Variants in COX7B2 observed in about 807,000 individuals in gnomAD.
COX7B2 encodes cytochrome c oxidase subunit 7B2, also known as cytochrome c oxidase subunit 7B2, mitochondrial.
For synonymous variants in COX7B2, 37 were observed against 32.1 expected (o/e 1.15, Z -0.51); for missense variants, 109 against 95.9 (o/e 1.14, Z -0.57).
chr4:46,903,925 G>A, intron 1 of COX7B2: 1 of 152,154 alleles, frequency 6.6e-6, no homozygotes, highest in Non-Finnish European at 1.5e-5. Context: ...AGCGATGCAT[G>A]ACTGTAGTTC....
intron 1 of COX7B2, among the ~76,000 whole-genome samples, chr4:46,886,085 C>A (rs1719068030): frequency 6.6e-6 from 1 of 152,128 alleles, no homozygotes; most frequent in East Asian, 1.9e-4. Flanking sequence ...TAATATTAAT[C>A]TGTACTTGCC....
intron 2 of COX7B2, among the ~76,000 whole-genome samples, chr4:46,811,584 A>C (rs1306756260): frequency 6.6e-6 from 1 of 152,144 alleles, no homozygotes; most frequent in Non-Finnish European, 1.5e-5. Context: ...GTATCTCACT[A>C]AATTTCCTTA....
intron 2 of COX7B2, among the ~76,000 whole-genome samples, chr4:46,815,259 G>T (rs1377226167): frequency 1.3e-5 from 2 of 151,756 alleles, no homozygotes; most frequent in South Asian, 2.1e-4. Context: ...CTCCAACTGG[G>T]GTTTAAAGTT....
At chr4:46,763,035 ATATAT>A (rs1468013409) in intron 2 of COX7B2, among the ~76,000 whole-genome samples, 2 of 132,008 alleles carry the variant, frequency 1.5e-5, no homozygotes, top group Admixed American at 8.7e-5. Context: ...ATAATATAAT[ATATAT>A]TATATATTAT....
At chr4:46,822,989 A>C (rs534804181) in intron 2 of COX7B2, among the ~76,000 whole-genome samples, 1 of 152,330 alleles carries the variant, frequency 6.6e-6, no homozygotes, top group African/African-American at 2.4e-5. Context: ...AGAGAGAAAG[A>C]GATGCCTGCA....
At chr4:46,755,551 A>G (rs1715737691) in intron 2 of COX7B2, among the ~76,000 whole-genome samples, 1 of 152,116 alleles carries the variant, frequency 6.6e-6, no homozygotes, top group Non-Finnish European at 1.5e-5. Flanking sequence ...TCACATGATA[A>G]TATATCTAGA....
At chr4:46,776,671 C>T (rs897493036) in intron 2 of COX7B2, among the ~76,000 whole-genome samples, 10 of 152,074 alleles carry the variant, frequency 6.6e-5, no homozygotes, top group African/African-American at 1.9e-4. Flanking sequence ...TCCCTCTTGG[C>T]TTTCTGTCTC....
At chr4:46,886,250 TA>T in intron 1 of COX7B2, among the ~76,000 whole-genome samples, 1 of 152,272 alleles carries the variant, frequency 6.6e-6, no homozygotes, top group East Asian at 1.9e-4. Context: ...ATGGAGACCA[TA>T]AAAATGTATT....
At chr4:46,751,620 T>C (rs1402646075) in intron 2 of COX7B2, among the ~76,000 whole-genome samples, 1 of 152,060 alleles carries the variant, frequency 6.6e-6, no homozygotes, top group Non-Finnish European at 1.5e-5. Flanking sequence ...TATATACTTG[T>C]AGTATGAGAT....
At chr4:46,905,708 C>A (rs1720335223) in intron 1 of COX7B2, among the ~76,000 whole-genome samples, 1 of 150,486 alleles carries the variant, frequency 6.6e-6, no homozygotes, top group Non-Finnish European at 1.5e-5. Flanking sequence ...TTAAAACTTT[C>A]ATTTTCATTC....
At chr4:46,907,847 A>ATTTTTTTTTTT (rs1308450950) in intron 1 of COX7B2, among the ~76,000 whole-genome samples, 2 of 67,234 alleles carry the variant, frequency 3.0e-5, no homozygotes, top group African/African-American at 5.1e-5. Flanking sequence ...ATTTGAGCAG[A>ATTTTTTTTTTT]CTTTTTTTTT....
At chr4:46,864,761 C>T (rs1717555619) in intron 1 of COX7B2, among the ~76,000 whole-genome samples, 2 of 152,132 alleles carry the variant, frequency 1.3e-5, no homozygotes. Flanking sequence ...TCTCCTGCCT[C>T]AGCCTCCTGA....
intron 2 of COX7B2, among the ~76,000 whole-genome samples, chr4:46,832,709 T>C (rs1393735148): frequency 1.3e-5 from 2 of 152,064 alleles, no homozygotes; most frequent in South Asian, 2.1e-4. Context: ...ATGAGAGGAT[T>C]CTTGTTCAGT....
At chr4:46,773,735 C>T (rs1483111867) in intron 2 of COX7B2, among the ~76,000 whole-genome samples, 1 of 152,058 alleles carries the variant, frequency 6.6e-6, no homozygotes, top group African/African-American at 2.4e-5. Context: ...AGCTGAGCAT[C>T]TAGATTTCTA....
chr4:46,734,915 A>G lies in COX7B2; in HGVS notation c.*32T>C, dbSNP rs1219030604. On this transcript the variant is annotated 3_prime_UTR_variant, in exon 3 of 3. Coordinates refer to ENST00000355591, the MANE Select transcript of COX7B2 (RefSeq NM_130902.3). ...TGCTTACATGACAAGTTGGTTTTTTAAACAATTCTGTCATTACAGCAACTG... is the reference window on the plus strand; with the variant it reads ...TGCTTACATGACAAGTTGGTTTTTTGAACAATTCTGTCATTACAGCAACTG... 6.2e-7 allele frequency: 1 copy of G among 1,613,336 alleles called. No homozygotes were observed. The highest frequency in any genetic ancestry group is 8.5e-7 in the Non-Finnish European group (1 of 1,179,604).
At chr4:46,772,606 G>A (rs751379949) in intron 2 of COX7B2, among the ~76,000 whole-genome samples, 9 of 151,676 alleles carry the variant, frequency 5.9e-5, no homozygotes, top group Admixed American at 2.0e-4. Flanking sequence ...CTGGGAAGGA[G>A]GAAAAAAGAA....
At chr4:46,783,439 G>A (rs1257179176) in intron 2 of COX7B2, among the ~76,000 whole-genome samples, 1 of 152,172 alleles carries the variant, frequency 6.6e-6, no homozygotes, top group Non-Finnish European at 1.5e-5. Context: ...CACATTACTA[G>A]TAGCTAGGTC....
At chr4:46,787,950 G>T (rs1717837298) in intron 2 of COX7B2, among the ~76,000 whole-genome samples, 1 of 152,062 alleles carries the variant, frequency 6.6e-6, no homozygotes, top group South Asian at 2.1e-4. Context: ...AGGATAGCTT[G>T]CAGTCTTAAC....
intron 2 of COX7B2, among the ~76,000 whole-genome samples, chr4:46,767,625 A>G (rs1716621291): frequency 6.6e-6 from 1 of 152,220 alleles, no homozygotes; most frequent in South Asian, 2.1e-4. Context: ...AACAAATTTA[A>G]GAAGACTAAA....
Sources: allele counts gnomAD v4.1 joint callset (sites outside exome capture counted in the v4.1 genomes callset), GRCh38; gene constraint gnomAD v4.1.1; transcripts MANE v1.5; gene names NCBI Gene and HGNC (gene_info 2026-07-23, HGNC 2026-07-21).